KBTBD7: variants seen among roughly 807,000 people sequenced by gnomAD.
KBTBD7 encodes the protein kelch repeat and BTB domain containing 7.
Under a neutral mutation model 50.3 loss-of-function variants are expected in KBTBD7, and 25 were observed. The observed-to-expected ratio is 0.50, with a 90% CI of 0.36 to 0.69. The LOEUF is 0.69. Ranked by LOEUF, KBTBD7 falls within the 30% of genes least tolerant of loss-of-function variation. The pLI is 0.00. For synonymous variants in KBTBD7, 305 were observed against 325.3 expected, an observed-to-expected ratio of 0.94 and a Z score of 0.67; for missense variants, 653 against 869.5, an observed-to-expected ratio of 0.75 and a Z score of 3.13.
chr13:41,190,595 T>C lies in KBTBD7; in HGVS notation c.*1608A>G, dbSNP rs1439155199. ...TCAGGAAGATAATTCTAATTGGGTA[T>C]AGAAAAATTTATACACCATAAACAT... On this transcript the variant is annotated 3_prime_UTR_variant, in exon 1 of 1. Transcript: ENST00000379483. The C allele has an allele frequency of 6.6e-6, 1 of 152,174 alleles. No homozygotes were observed. The highest frequency in any genetic ancestry group is 1.5e-5 in the Non-Finnish European group (1 of 67,992). The allele number at this position is 152,174 out of a possible 1,614,324, so 9.4% of individuals were successfully genotyped here.
chr13:41,192,473 C>T lies in KBTBD7; in HGVS notation c.1785G>A (p.Trp595Ter). The T allele has an allele frequency of 6.2e-7, 1 of 1,614,236 alleles. No individual in the cohort carries two copies. The highest frequency in any genetic ancestry group is 8.5e-7 in the Non-Finnish European group (1 of 1,180,036). ...GGCCTAACATGGTACCTATATTAAT[C>T]CACTGATCTTCCCTAGTATCATACT... ...VYEYDTREDQ[W>*]INIGTMLGLL... The change falls in exon 1 of 1, where the codon TGG becomes TGA. Residue 595 changes from tryptophan to a stop codon, truncating the protein, a stop_gained. Transcript: ENST00000379483. LOFTEE classifies it high-confidence loss of function.
At position 41,193,814 on chromosome 13, in the gene KBTBD7, G is replaced by A. The variant is rs773010819; in HGVS notation, c.444C>T (p.Ser148=). Residue 148 remains serine, a synonymous_variant, in exon 1 of 1, where the codon TCC becomes TCT. Coordinates refer to ENST00000379483, the MANE Select transcript of KBTBD7 (RefSeq NM_032138.7). The surrounding 1 kb of genome is among the most constrained non-coding windows in gnomAD (Gnocchi z 5.7). ...EANVQRLYAA[S]DMLQLEYVRE... ...GCACATATTCCAGCTGTAGCATGTC[G>A]GAGGCCGCGTACAGGCGCTGCACAT... The A allele has an allele frequency of 2.5e-6, 4 of 1,614,176 alleles. No individual in the cohort carries two copies. The South Asian group carries it at 4.4e-5, about 18-fold the overall frequency.
chr13:41,192,667 T>A lies in KBTBD7; in HGVS notation c.1591A>T (p.Ile531Phe), dbSNP rs746686863. 3 of 1,614,174 alleles carry A rather than the reference T, an allele frequency of 1.9e-6. No homozygotes were observed. The highest frequency in any genetic ancestry group is 3.3e-5 in the Admixed American group (2 of 60,024). ...FNDEIYCICD[I>F]PVMKVYNPAR... ...GGGTTGTAGACCTTCATGACTGGGATGTCACAGATACAATAGATTTCATCA... is the reference window on the plus strand; with the variant it reads ...GGGTTGTAGACCTTCATGACTGGGAAGTCACAGATACAATAGATTTCATCA... Residue 531 changes from isoleucine (I) to phenylalanine (F), a missense_variant, in exon 1 of 1, where the codon ATC (isoleucine) becomes TTC (phenylalanine). By Grantham distance (21) the Ile-to-Phe change is conservative (BLOSUM62 0). Transcript: ENST00000379483.
In KBTBD7 at chr13:41,193,671, A is replaced by G. The variant is rs1346036222; in HGVS notation, c.587T>C (p.Ile196Thr). ...HKLRSQAQSY[I>T]AHNFKQLSRM... ...GCTGAGCTGCTTGAAGTTGTGAGCT[A>G]TGTAGGACTGGGCCTGAGATCGAAG... Residue 196 changes from isoleucine to threonine, a missense_variant, in exon 1 of 1, where the codon ATA becomes ACA. Transcript: ENST00000379483. The surrounding 1 kb of genome is among the most constrained non-coding windows in gnomAD (Gnocchi z 5.7). The G allele has an allele frequency of 3.1e-6, 5 of 1,614,056 alleles. No individual in the cohort carries two copies. In the South Asian group the frequency reaches 3.3e-5, roughly 11 times the overall value.
Position 41,190,048 on chromosome 13 carries a change from A to G in KBTBD7, c.*2155T>C, listed in dbSNP as rs1401893402. The stretch of plus-strand genomic sequence containing the variant: ...AAGGTTGAGAAAGACAAACTGGAGC[A>G]TTTGTCTTTTATTTACCAGTTGCAT... On this transcript the variant is annotated 3_prime_UTR_variant, in exon 1 of 1. Coordinates refer to ENST00000379483, the MANE Select transcript of KBTBD7 (RefSeq NM_032138.7). 1 of 152,154 alleles carries G rather than the reference A, an allele frequency of 6.6e-6. No homozygotes were observed. Among genetic ancestry groups the G allele is most frequent in the Non-Finnish European group, 1.5e-5 (1 of 68,008 alleles). The allele number at this position is 152,154 out of a possible 1,614,324, so 9.4% of individuals were successfully genotyped here.
rs991335322 is a variant in KBTBD7, at chr13:41,192,107, T to A, written c.*96A>T. The A allele has an allele frequency of 1.7e-6, 2 of 1,210,860 alleles. No individual in the cohort carries two copies. Among genetic ancestry groups the A allele is most frequent in the Non-Finnish European group, 2.3e-6 (2 of 855,852 alleles). The allele number at this position is 1,210,860 out of a possible 1,614,324, so 75.0% of individuals were successfully genotyped here. ...TATTACCCTTTCTAAACCAAATCTG[T>A]GGTCCTAATCAACTTTTTTTCCAAG... On this transcript the variant is annotated 3_prime_UTR_variant, in exon 1 of 1. Transcript: ENST00000379483.
Position 41,191,023 on chromosome 13 carries a change from G to A in KBTBD7, c.*1180C>T, listed in dbSNP as rs1010124068. 2.0e-5 allele frequency: 3 copies of A among 152,056 alleles called. No homozygotes were observed. Among genetic ancestry groups the A allele is most frequent in the East Asian group, 1.9e-4 (1 of 5,202 alleles). 9.4% of individuals were successfully genotyped at this position (152,056 alleles called of 1,614,324 possible). A position where few individuals can be genotyped will look rare whatever the true frequency, so the allele number is the denominator to read the frequency against. The stretch of plus-strand genomic sequence containing the variant: ...ACAATATTCCAATGCTACACAAAAC[G>A]GTTCTATAATACACAGCTTAAAGTT... On this transcript the variant is annotated 3_prime_UTR_variant, in exon 1 of 1. Transcript: ENST00000379483.
In KBTBD7 at chr13:41,194,533, G is replaced by T; in HGVS notation, c.-276C>A. ...TGCAGCCGCGGAAGCCCCCACTGCC[G>T]CGCTGGCGATCCCGCTAGGCGCCCG... On this transcript the variant is annotated 5_prime_UTR_variant, in exon 1 of 1. Transcript: ENST00000379483. 1 of 525,710 alleles carries T rather than the reference G, an allele frequency of 1.9e-6. No individual in the cohort carries two copies. The highest frequency in any genetic ancestry group is 3.4e-5 in the Admixed American group (1 of 29,772). The allele number at this position is 525,710 out of a possible 1,614,324, so 32.6% of individuals were successfully genotyped here.
At position 41,191,566 on chromosome 13, in the gene KBTBD7, T is replaced by C. The variant is rs1265976677; in HGVS notation, c.*637A>G. On this transcript the variant is annotated 3_prime_UTR_variant, in exon 1 of 1. Coordinates refer to ENST00000379483, the MANE Select transcript of KBTBD7 (RefSeq NM_032138.7). Reference sequence around the variant, plus strand: ...CCTGATTTTTTCTTTTTTTTTTTTTTTTTTTTTACTTTCTGTGAGCTTATG... The same window carrying C: ...CCTGATTTTTTCTTTTTTTTTTTTTCTTTTTTTACTTTCTGTGAGCTTATG... 1 of 148,386 alleles carries C rather than the reference T, an allele frequency of 6.7e-6. No individual in the cohort carries two copies. Among genetic ancestry groups the C allele is most frequent in the African/African-American group, 2.5e-5 (1 of 40,800 alleles). 9.2% of individuals were successfully genotyped at this position (148,386 alleles called of 1,614,324 possible). A position where few individuals can be genotyped will look rare whatever the true frequency, so the allele number is the denominator to read the frequency against.
At position 41,193,882 on chromosome 13, in the gene KBTBD7, C is replaced by T; in HGVS notation, c.376G>A (p.Val126Ile). Residue 126 changes from valine to isoleucine, a missense_variant, in exon 1 of 1, where the codon GTC (valine) becomes ATC (isoleucine). Transcript: ENST00000379483. This position sits in a 1 kb window ranked among gnomAD's most constrained non-coding sequence, Gnocchi z 5.7. ...DVDAESFEVL[V>I]DYCYTGRVSL... Reference sequence around the variant, plus strand: ...ACACGACCCGTGTAGCAGTAGTCGACCAACACCTCGAAGGACTCGGCGTCC... The same window carrying T: ...ACACGACCCGTGTAGCAGTAGTCGATCAACACCTCGAAGGACTCGGCGTCC... 6.2e-7 allele frequency: 1 copy of T among 1,614,194 alleles called. No homozygotes were observed.
chr13:41,194,261 G>A lies in KBTBD7; in HGVS notation c.-4C>T. Reference sequence around the variant, plus strand: ...GGACGTCTTCCCGGGACTGCATGGTGGAGATGGCGACGGGCGCTGACGGCG... The same window carrying A: ...GGACGTCTTCCCGGGACTGCATGGTAGAGATGGCGACGGGCGCTGACGGCG... On this transcript the variant is annotated 5_prime_UTR_variant, in exon 1 of 1. Coordinates refer to ENST00000379483, the MANE Select transcript of KBTBD7 (RefSeq NM_032138.7). The A allele has an allele frequency of 6.2e-7, 1 of 1,610,078 alleles. No individual in the cohort carries two copies.
chr13:41,190,027 T>C lies in KBTBD7; in HGVS notation c.*2176A>G, dbSNP rs17068724. On this transcript the variant is annotated 3_prime_UTR_variant, in exon 1 of 1. Transcript: ENST00000379483. ...AACTCAAAGGTTAAGAACTCAAAGGTTGAGAAAGACAAACTGGAGCATTTG... is the reference window on the plus strand; with the variant it reads ...AACTCAAAGGTTAAGAACTCAAAGGCTGAGAAAGACAAACTGGAGCATTTG... 1 of 152,168 alleles carries C rather than the reference T, an allele frequency of 6.6e-6. No homozygotes were observed. The highest frequency in any genetic ancestry group is 2.4e-5 in the African/African-American group (1 of 41,430). 9.4% of individuals were successfully genotyped at this position (152,168 alleles called of 1,614,324 possible). A position where few individuals can be genotyped will look rare whatever the true frequency, so the allele number is the denominator to read the frequency against.
At position 41,191,821 on chromosome 13, in the gene KBTBD7, A is replaced by G. The variant is rs566416884; in HGVS notation, c.*382T>C. The G allele has an allele frequency of 6.2e-6, 1 of 162,104 alleles. No homozygotes were observed. The highest frequency in any genetic ancestry group is 1.8e-4 in the East Asian group (1 of 5,566). The allele number at this position is 162,104 out of a possible 1,614,324, so 10.0% of individuals were successfully genotyped here. A position where few individuals can be genotyped will look rare whatever the true frequency, so the allele number is the denominator to read the frequency against. On this transcript the variant is annotated 3_prime_UTR_variant, in exon 1 of 1. Transcript: ENST00000379483. ...AATTCCTAGTTCAGTTTTCTATTAT[A>G]CAAATCAAAAAGTTAAATTCCTTGT...
Position 41,193,326 on chromosome 13 carries a change from A to G in KBTBD7, c.932T>C (p.Leu311Pro), listed in dbSNP as rs143869432. 2 of 1,611,640 alleles carry G rather than the reference A, an allele frequency of 1.2e-6. No homozygotes were observed. The highest frequency in any genetic ancestry group is 1.7e-6 in the Non-Finnish European group (2 of 1,178,192). Residue 311 changes from leucine (L) to proline (P), a missense_variant, in exon 1 of 1, where the codon CTG (leucine) becomes CCG (proline). This residue lies in a region of KBTBD7 where 526 missense variants were observed against 717.1 expected (regional missense o/e 0.73). Coordinates refer to ENST00000379483, the MANE Select transcript of KBTBD7 (RefSeq NM_032138.7). This position sits in a 1 kb window ranked among gnomAD's most constrained non-coding sequence, Gnocchi z 5.7. ...GCTGCTGCTGTTTGGCACTGGCACC[A>G]GAGACTTGTACAACAGGTCACCATA... is the stretch of plus-strand genomic sequence containing the variant. ...MRYGDLLYKS[L>P]VPVPNSSSSS...
rs1182764252 is a variant in KBTBD7, at chr13:41,189,997, GTTTTAAC to G, written c.*2199_*2205del. On this transcript the variant is annotated 3_prime_UTR_variant, in exon 1 of 1. Transcript: ENST00000379483. Reference sequence around the variant, plus strand: ...AAGACATTCCCACTATTTAGACTAGGTTTTAACTCAAAGGTTAAGAACTCAAAGGTTG... The same window carrying G: ...AAGACATTCCCACTATTTAGACTAGGTCAAAGGTTAAGAACTCAAAGGTTG... The G allele has an allele frequency of 6.6e-6, 1 of 152,080 alleles. No individual in the cohort carries two copies. The highest frequency in any genetic ancestry group is 1.5e-5 in the Non-Finnish European group (1 of 67,996). The allele number at this position is 152,080 out of a possible 1,614,324, so 9.4% of individuals were successfully genotyped here. A position where few individuals can be genotyped will look rare whatever the true frequency, so the allele number is the denominator to read the frequency against.
In KBTBD7 at chr13:41,192,514, G is replaced by C; in HGVS notation, c.1744C>G (p.Arg582Gly). 1.2e-6 allele frequency: 2 copies of C among 1,614,114 alleles called. No individual in the cohort carries two copies. Among genetic ancestry groups the C allele is most frequent in the South Asian group, 2.2e-5 (2 of 91,080 alleles). ...GTATCATACTCATACACTGTCACTC[G>C]GTTCTTTTTCCATTGTGGGGTTGTA... ...TSTTPQWKKN[R>G]VTVYEYDTRE... The change falls in exon 1 of 1, where the codon CGA (arginine) becomes GGA (glycine). Residue 582 changes from arginine to glycine, a missense_variant. Arg to Gly is a moderately radical substitution (Grantham distance 125, BLOSUM62 -2). Around this residue, in one of 3 missense-constraint regions of KBTBD7, gnomAD observed 526 missense variants for 717.1 expected, o/e 0.73. Coordinates refer to ENST00000379483, the MANE Select transcript of KBTBD7 (RefSeq NM_032138.7).
Position 41,192,938 on chromosome 13 carries a change from C to T in KBTBD7, c.1320G>A (p.Leu440=). The T allele has an allele frequency of 6.2e-7, 1 of 1,614,198 alleles. No homozygotes were observed. The highest frequency in any genetic ancestry group is 8.5e-7 in the Non-Finnish European group (1 of 1,180,036). The part of the protein sequence containing the change: ...VAYLNGYIYI[L]GGRDPITGVK... Reference sequence around the variant, plus strand: ...CTCCAGTAATAGGGTCTCGTCCCCCCAAAATGTAGATGTAGCCATTGAGAT... The same window carrying T: ...CTCCAGTAATAGGGTCTCGTCCCCCTAAAATGTAGATGTAGCCATTGAGAT... Residue 440 remains leucine (L), a synonymous_variant, in exon 1 of 1, where the codon TTG becomes TTA. Transcript: ENST00000379483.
In KBTBD7 at chr13:41,191,145, C is replaced by T. The variant is rs1181320338; in HGVS notation, c.*1058G>A. 6.6e-6 allele frequency: 1 copy of T among 152,066 alleles called. No homozygotes were observed. The highest frequency in any genetic ancestry group is 2.4e-5 in the African/African-American group (1 of 41,412). 9.4% of individuals were successfully genotyped at this position (152,066 alleles called of 1,614,324 possible). A position where few individuals can be genotyped will look rare whatever the true frequency, so the allele number is the denominator to read the frequency against. ...ACTGTTTTTAGCTTATACATATGTT[C>T]TAAACCATATTACCTCACAAAACAG... On this transcript the variant is annotated 3_prime_UTR_variant, in exon 1 of 1. Transcript: ENST00000379483.
chr13:41,193,559 T>C lies in KBTBD7; in HGVS notation c.699A>G (p.Ile233Met), dbSNP rs1316236576. ...LAVLRLDSLD[I>M]ESERTVCHVA... is the part of the protein sequence containing the mutation. The stretch of plus-strand genomic sequence containing the variant: ...CATGGCATACAGTCCGCTCACTCTC[T>C]ATGTCCAGACTATCCAGGCGTAGGA... The change falls in exon 1 of 1, where the codon ATA (isoleucine) becomes ATG (methionine). Residue 233 changes from isoleucine (I) to methionine (M), a missense_variant. This residue lies in a region of KBTBD7 where 526 missense variants were observed against 717.1 expected (regional missense o/e 0.73). Coordinates refer to ENST00000379483, the MANE Select transcript of KBTBD7 (RefSeq NM_032138.7). This position sits in a 1 kb window ranked among gnomAD's most constrained non-coding sequence, Gnocchi z 5.7. 5 of 1,614,226 alleles carry C rather than the reference T, an allele frequency of 3.1e-6. No homozygotes were observed. Among genetic ancestry groups the C allele is most frequent in the East Asian group, 2.2e-5 (1 of 44,884 alleles).
Sources: gnomAD v4.1 joint callset for allele counts on GRCh38, gnomAD v4.1.1 for gene constraint, gnomAD v4.1.1 regional missense constraint, Gnocchi (gnomAD v3.1) non-coding constraint, MANE v1.5 for transcripts, NCBI Gene and HGNC (gene_info 2026-07-23, HGNC 2026-07-21) for gene names.